The following PMFBP1 variants were observed in gnomAD, a reference collection of about 807,000 sequenced individuals.
The protein encoded by PMFBP1 is polyamine-modulated factor 1-binding protein 1.
A neutral mutation model predicts 137.8 loss-of-function variants in PMFBP1; 131 were observed. That is an observed-to-expected ratio of 0.95 (90% CI 0.82 to 1.10). PMFBP1 has a LOEUF of 1.10. Ranked by LOEUF, PMFBP1 falls within the 50% of genes least tolerant of loss-of-function variation. The pLI is 0.00. For synonymous variants in PMFBP1, 490 were observed against 450.4 expected (o/e 1.09, Z -1.11); for missense variants, 1,199 against 1,175.4 (o/e 1.02, Z -0.29).
chr16:72,236,575 C>CTGTA, the PMFBP1 span, among the ~76,000 whole-genome samples: 1 of 152,156 alleles, frequency 6.6e-6, no homozygotes, highest in South Asian at 2.1e-4. Flanking sequence ...ATTCCTTCTG[C>CTGTA]TGTAATCTCT....
At chr16:72,217,943 G>A in the PMFBP1 span, among the ~76,000 whole-genome samples, 5,825 of 152,234 alleles carry the variant, frequency 0.038, 352 homozygotes, top group African/African-American at 0.13. Context: ...CCCCACCATG[G>A]TCGATTTCAA....
the PMFBP1 span, among the ~76,000 whole-genome samples, chr16:72,233,343 G>T: frequency 6.6e-6 from 1 of 152,078 alleles, no homozygotes; most frequent in African/African-American, 2.4e-5. Flanking sequence ...AATAATAATG[G>T]ATGAAAAGAA....
At position 72,119,936 on chromosome 16, in the gene PMFBP1, G is replaced by T. The variant is rs201023213; in HGVS notation, c.2922C>A (p.Cys974Ter). The T allele has an allele frequency of 1.2e-6, 2 of 1,614,142 alleles. No homozygotes were observed. The highest frequency in any genetic ancestry group is 2.2e-5 in the South Asian group (2 of 91,076). ...GCAACCCCTTCCAGCCCAAGGTGCC[G>T]CACACTTTCTCCCTCTGTGTGGACT... ...RTESTQREKVCGTLGWKGLPQ... is the reference protein window; with the variant it reads ...RTESTQREKV Residue 974 changes from cysteine to a stop codon, truncating the protein, a stop_gained, in exon 20 of 21, where the codon TGC becomes TGA. Transcript: ENST00000237353. LOFTEE classifies it high-confidence loss of function.
the PMFBP1 span, among the ~76,000 whole-genome samples, chr16:72,219,553 G>A: frequency 2.3e-5 from 2 of 85,436 alleles, no homozygotes; most frequent in South Asian, 6.4e-4. Context: ...CAATGTGGGC[G>A]GGGGGGCCTG....
chr16:72,179,431 A>G (rs1229420660), upstream of PMFBP1, among the ~76,000 whole-genome samples: 2 of 152,202 alleles, frequency 1.3e-5, no homozygotes, highest in African/African-American at 2.4e-5. Flanking sequence ...CTGAATTTGC[A>G]ACCTCATCCG....
At chr16:72,196,097 A>T in the PMFBP1 span, among the ~76,000 whole-genome samples, 10 of 152,044 alleles carry the variant, frequency 6.6e-5, no homozygotes, top group Admixed American at 6.6e-4. Context: ...TGATTCAGAA[A>T]CTAACCCTGG....
At chr16:72,146,409 G>C (rs1423437851) in intron 5 of PMFBP1, among the ~76,000 whole-genome samples, 2 of 152,132 alleles carry the variant, frequency 1.3e-5, no homozygotes, top group African/African-American at 4.8e-5. Flanking sequence ...CAAACCCATA[G>C]CCAATATCAT....
intron 5 of PMFBP1, among the ~76,000 whole-genome samples, chr16:72,141,164 T>C (rs1205654413): frequency 1.3e-5 from 2 of 152,136 alleles, no homozygotes; most frequent in African/African-American, 4.8e-5. Context: ...CTCAAACTGC[T>C]AACCTCAGGT....
chr16:72,117,258 C>G (rs1287199146), downstream of PMFBP1, among the ~76,000 whole-genome samples: 3 of 150,940 alleles, frequency 2.0e-5, no homozygotes, highest in African/African-American at 7.3e-5. Flanking sequence ...ATTTTTTTTG[C>G]TATTATAAAT....
At chr16:72,177,380 C>T (rs939674585), upstream of PMFBP1, among the ~76,000 whole-genome samples, 2 of 152,122 alleles carry the variant, frequency 1.3e-5, no homozygotes, top group Non-Finnish European at 2.9e-5. Context: ...AGGTGTGTAC[C>T]CTTTCCCCCT....
Position 72,135,018 on chromosome 16 carries a change from T to C in PMFBP1, c.1203+1430A>G, listed in dbSNP as rs186213485. On this transcript the variant is annotated intron_variant, in intron 9 of 20. Transcript: ENST00000237353. ...GGCATATTTTAGGGCTCAAAAATAT[T>C]TGTGGAGTGAATATACGAATAACTC... is the stretch of plus-strand genomic sequence containing the variant. Among the ~76,000 whole-genome samples the C allele has an allele frequency of 4.7e-4, 72 of 152,306 alleles. 1 individual carries two copies. The highest frequency in any genetic ancestry group is 1.6e-3 in the African/African-American group (68 of 41,560).
chr16:72,136,046 T>C (rs541236051), intron 9 of PMFBP1, among the ~76,000 whole-genome samples: 3 of 152,272 alleles, frequency 2.0e-5, no homozygotes, highest in African/African-American at 4.8e-5. Flanking sequence ...TGAGCCACCA[T>C]GCCCAGGCAG....
At chr16:72,225,682 C>A in the PMFBP1 span, among the ~76,000 whole-genome samples, 1 of 149,062 alleles carries the variant, frequency 6.7e-6, no homozygotes. Context: ...CCCTCCACTC[C>A]AGCCGGGATG....
chr16:72,168,210 T>C (rs1227170541), intron 2 of PMFBP1, among the ~76,000 whole-genome samples: 3 of 152,188 alleles, frequency 2.0e-5, no homozygotes, highest in Non-Finnish European at 4.4e-5. Flanking sequence ...AAGAAAACCA[T>C]TCACTCCTGA....
upstream of PMFBP1, among the ~76,000 whole-genome samples, chr16:72,179,234 C>T (rs904489492): frequency 6.6e-6 from 1 of 152,150 alleles, no homozygotes; most frequent in Non-Finnish European, 1.5e-5. Flanking sequence ...TCTGAACTGC[C>T]AAGTCTCTTA....
chr16:72,192,769 G>C, the PMFBP1 span, among the ~76,000 whole-genome samples: 1 of 152,002 alleles, frequency 6.6e-6, no homozygotes, highest in Non-Finnish European at 1.5e-5. Flanking sequence ...AGGTGTGGTG[G>C]CACATGCCTG....
intron 5 of PMFBP1, among the ~76,000 whole-genome samples, chr16:72,145,526 A>C (rs1156964199): frequency 6.6e-6 from 1 of 152,232 alleles, no homozygotes; most frequent in Non-Finnish European, 1.5e-5. Flanking sequence ...GAAATAACTA[A>C]GATCAGAGTG....
At chr16:72,229,977 C>A in the PMFBP1 span, among the ~76,000 whole-genome samples, 2 of 152,306 alleles carry the variant, frequency 1.3e-5, no homozygotes, top group South Asian at 4.2e-4. Flanking sequence ...GAGGTACACA[C>A]CGCTGAAGGC....
the PMFBP1 span, among the ~76,000 whole-genome samples, chr16:72,210,716 T>C: frequency 6.6e-6 from 1 of 152,228 alleles, no homozygotes; most frequent in African/African-American, 2.4e-5. Flanking sequence ...TGACAGGCTA[T>C]GAGGAAAACA....
Sources: allele counts gnomAD v4.1 joint callset (sites outside exome capture counted in the v4.1 genomes callset), GRCh38; gene constraint gnomAD v4.1.1; transcripts MANE v1.5; gene names NCBI Gene and HGNC (gene_info 2026-07-23, HGNC 2026-07-21).